Variants in POLK observed in about 807,000 individuals in gnomAD.
POLK encodes the protein polymerase (DNA directed) kappa.
A neutral mutation model predicts 94.0 loss-of-function variants in POLK; 76 were observed. That is an observed-to-expected ratio of 0.81 (90% CI 0.67 to 0.98). The LOEUF is 0.98. Among genes scored for constraint, POLK ranks in the 50% least tolerant of loss-of-function variants. The probability of loss-of-function intolerance (pLI) is 0.00; values close to 1 mark genes in which losing one functional copy is unlikely to be tolerated. For synonymous variants in POLK, 349 were observed against 325.4 expected (o/e 1.07, Z -0.78); for missense variants, 954 against 1,010.1 (o/e 0.94, Z 0.75).
chr5:75,527,513 A>ACACACACG (rs1387000989), intron 1 of POLK, among the ~76,000 whole-genome samples: 1 of 145,230 alleles, frequency 6.9e-6, no homozygotes, highest in Non-Finnish European at 1.5e-5. Flanking sequence ...ACACACACAC[A>ACACACACG]CACACACACA....
intron 3 of POLK, among the ~76,000 whole-genome samples, chr5:75,558,666 T>A (rs1770774113): frequency 6.6e-6 from 1 of 152,180 alleles, no homozygotes; most frequent in South Asian, 2.1e-4. Flanking sequence ...ATTTTTTTTG[T>A]ATTTCTCATG....
At chr5:75,532,863 T>G (rs914167662) in intron 1 of POLK, among the ~76,000 whole-genome samples, 1 of 152,244 alleles carries the variant, frequency 6.6e-6, no homozygotes, top group Non-Finnish European at 1.5e-5. Context: ...TTCATATGTT[T>G]GTTAGCCACG....
At chr5:75,603,910 A>C (rs1773357959), downstream of POLK, among the ~76,000 whole-genome samples, 1 of 152,192 alleles carries the variant, frequency 6.6e-6, no homozygotes, top group Non-Finnish European at 1.5e-5. Flanking sequence ...AAGACCCTGA[A>C]ACATTCTTTG....
chr5:75,584,875 G>T (rs757994841), exon 9 of POLK: 1 of 1,607,482 alleles, frequency 6.2e-7, no homozygotes, highest in South Asian at 1.1e-5. Context: ...GAAACATCTT[G>T]GCATTATTTC....
At chr5:75,517,366 T>C (rs1353448182) in intron 1 of POLK, among the ~76,000 whole-genome samples, 2 of 152,174 alleles carry the variant, frequency 1.3e-5, no homozygotes, top group African/African-American at 4.8e-5. Context: ...AGATAATTGC[T>C]TCGTATTTTA....
At chr5:75,553,899 A>G (rs886674685) in intron 3 of POLK, among the ~76,000 whole-genome samples, 5 of 152,248 alleles carry the variant, frequency 3.3e-5, no homozygotes, top group African/African-American at 1.2e-4. Context: ...ATAAGTGAGT[A>G]GTTCTAGCTG....
chr5:75,513,297 T>A (rs572250878), intron 1 of POLK, among the ~76,000 whole-genome samples: 5 of 152,342 alleles, frequency 3.3e-5, no homozygotes, highest in African/African-American at 1.2e-4. Flanking sequence ...CTGCCATGTC[T>A]TATTCTGCAG....
intron 12 of POLK, 45 bp from the exon 13 acceptor site, chr5:75,596,177 T>C (rs5744712): frequency 0.14 from 153,130 of 1,091,802 alleles, 11,553 homozygotes; most frequent in East Asian, 0.25. Context: ...TGTGAGTGAA[T>C]TGGCTTTGTT....
At position 75,576,936 on chromosome 5, in the gene POLK, A is replaced by G. The variant is rs769861129; in HGVS notation, c.694+3A>G. The G allele has an allele frequency of 5.9e-6, 9 of 1,536,382 alleles. No individual in the cohort carries two copies. In the Admixed American group the frequency reaches 1.4e-4, roughly 23 times the overall value. On this transcript the variant is annotated splice_donor_region_variant and intron_variant, in intron 6 of 14. Transcript: ENST00000241436. ...AATGGGAAGCTCTGTAGAAAATGGT[A>G]AGCAACTTATTAAGACTATCAAACC...
At chr5:75,544,211 T>C (rs1769891477) in intron 1 of POLK, among the ~76,000 whole-genome samples, 1 of 152,192 alleles carries the variant, frequency 6.6e-6, no homozygotes, top group Non-Finnish European at 1.5e-5. Flanking sequence ...CTTTTCCTTT[T>C]ATACATTTCA....
chr5:75,602,989 A>G (rs1230176032), downstream of POLK, among the ~76,000 whole-genome samples: 1 of 152,236 alleles, frequency 6.6e-6, no homozygotes, highest in Non-Finnish European at 1.5e-5. Context: ...AAGTTTCAGC[A>G]TCAACATGGG....
At chr5:75,589,440 T>TACACACACACACACAC (rs1772651919) in intron 10 of POLK, among the ~76,000 whole-genome samples, 5 of 63,678 alleles carry the variant, frequency 7.9e-5, no homozygotes, top group African/African-American at 2.2e-4. Flanking sequence ...CACACACACG[T>TACACACACACACACAC]GGAATATTTC....
chr5:75,530,620 C>G (rs79378794), intron 1 of POLK, among the ~76,000 whole-genome samples: 1 of 151,328 alleles, frequency 6.6e-6, no homozygotes, highest in Non-Finnish European at 1.5e-5. Flanking sequence ...ATGTAAAATA[C>G]TATAAGAGCC....
chr5:75,542,982 A>T (rs1343715667), intron 1 of POLK, among the ~76,000 whole-genome samples: 2 of 150,706 alleles, frequency 1.3e-5, no homozygotes, highest in Non-Finnish European at 3.0e-5. Context: ...AAGTGCTGGG[A>T]TTACAGGTGT....
chr5:75,560,708 C>T (rs1396155168), intron 3 of POLK, among the ~76,000 whole-genome samples: 2 of 152,072 alleles, frequency 1.3e-5, no homozygotes, highest in African/African-American at 2.4e-5. Flanking sequence ...GTGATATTCC[C>T]CTCCCTGTGC....
downstream of POLK, among the ~76,000 whole-genome samples, chr5:75,602,063 G>A (rs1405111545): frequency 6.6e-6 from 1 of 152,116 alleles, no homozygotes. Context: ...CAAGCTTCCT[G>A]GTGCCTCTTC....
At chr5:75,592,704 A>C (rs6865786) in intron 11 of POLK, among the ~76,000 whole-genome samples, 97 of 142,332 alleles carry the variant, frequency 6.8e-4, no homozygotes, top group Middle Eastern at 3.4e-3. Flanking sequence ...AAAACAACAA[A>C]AAAAAAAACA....
At chr5:75,582,547 T>G (rs1344698189) in intron 7 of POLK, 1 of 152,338 alleles carries the variant, frequency 6.6e-6, no homozygotes, top group East Asian at 1.9e-4. Flanking sequence ...AATCTTTGAT[T>G]TTTTGCTTTA....
chr5:75,592,634 G>A (rs1581100763), intron 11 of POLK, among the ~76,000 whole-genome samples: 1 of 151,944 alleles, frequency 6.6e-6, no homozygotes, highest in Admixed American at 6.6e-5. Context: ...GGCAGAGGCT[G>A]CAGTGAGCCA....
Sources: allele counts gnomAD v4.1 joint callset (sites outside exome capture counted in the v4.1 genomes callset), GRCh38; gene constraint gnomAD v4.1.1; transcripts MANE v1.5; gene names NCBI Gene and HGNC (gene_info 2026-07-23, HGNC 2026-07-21).